The following ZC3H12C variants were observed in gnomAD, a reference collection of about 807,000 sequenced individuals.
ZC3H12C encodes the protein zinc finger CCCH-type containing 12C.
Under a neutral mutation model 76.3 loss-of-function variants are expected in ZC3H12C, and 20 were observed. The ratio of observed to expected loss-of-function variants is 0.26; its 90% confidence interval spans 0.18 to 0.38. The LOEUF (loss-of-function observed/expected upper bound fraction) is 0.38. Among genes scored for constraint, ZC3H12C ranks in the 10% least tolerant of loss-of-function variants. The pLI is 1.00. For missense variants in ZC3H12C, 874 were observed against 1,086.5 expected (o/e 0.80, Z 2.75); for synonymous variants, 352 against 399.6 (o/e 0.88, Z 1.42).
At position 110,127,461 on chromosome 11, in the gene ZC3H12C, T is replaced by G. The variant is rs139937042; in HGVS notation, c.22-9202T>G. Among the ~76,000 whole-genome samples the G allele has an allele frequency of 7.4e-3, 1,122 of 152,282 alleles. 14 individuals carry two copies. Among genetic ancestry groups the G allele is most frequent in the African/African-American group, 0.024 (1,017 of 41,568 alleles). On this transcript the variant is annotated intron_variant, in intron 1 of 5. Coordinates refer to ENST00000278590, the MANE Select transcript of ZC3H12C (RefSeq NM_033390.2). ...TATGTGTGTGAATTAGCTTTTGTTGTTGTTGGTGGTGGTGGTTGCTTCTTT... is the reference window on the plus strand; with the variant it reads ...TATGTGTGTGAATTAGCTTTTGTTGGTGTTGGTGGTGGTGGTTGCTTCTTT...
At chr11:110,158,454 G>A (rs1281345266) in intron 3 of ZC3H12C, among the ~76,000 whole-genome samples, 1 of 151,680 alleles carries the variant, frequency 6.6e-6, no homozygotes, top group Non-Finnish European at 1.5e-5. Flanking sequence ...AGGTTGCAGT[G>A]AGCCAAGATC....
intron 1 of ZC3H12C, among the ~76,000 whole-genome samples, chr11:110,111,538 A>T (rs2134153727): frequency 1.0e-5 from 1 of 100,446 alleles, no homozygotes; most frequent in African/African-American, 4.0e-5. Context: ...CTTCCCCAGT[A>T]GCTTTTTTTT....
Position 110,136,740 on chromosome 11 carries a change from C to A in ZC3H12C, c.99C>A (p.Gly33=). ...CAAGTACACGTAACAACTTCATGGG[C>A]TTGAAGGATCACCTAGGGCATGACC... ...VESSTRNNFM[G]LKDHLGHDLG... is the part of the protein sequence containing the mutation. The change falls in exon 2 of 6, where the codon GGC becomes GGA. Residue 33 remains glycine, a synonymous_variant. Transcript: ENST00000278590. 1.9e-6 allele frequency: 3 copies of A among 1,613,914 alleles called. No individual in the cohort carries two copies. Among genetic ancestry groups the A allele is most frequent in the Non-Finnish European group, 2.5e-6 (3 of 1,179,876 alleles).
In ZC3H12C at chr11:110,158,867, C is replaced by T. The variant is rs543527297; in HGVS notation, c.914-389C>T. ...AAAGGAAAAAAATGTATTGCTCACA[C>T]CTGAACCCCACACAGCATACAGCTG... On this transcript the variant is annotated intron_variant, in intron 3 of 5. Coordinates refer to ENST00000278590, the MANE Select transcript of ZC3H12C (RefSeq NM_033390.2). Among the ~76,000 whole-genome samples, 3 of 152,290 alleles carry T rather than the reference C, an allele frequency of 2.0e-5. No individual in the cohort carries two copies. In the South Asian group the frequency reaches 6.2e-4, roughly 32 times the overall value.
chr11:110,102,733 A>T (rs941655316), intron 1 of ZC3H12C, among the ~76,000 whole-genome samples: 1 of 152,190 alleles, frequency 6.6e-6, no homozygotes, highest in Non-Finnish European at 1.5e-5. Context: ...AGGGGAAATC[A>T]ATACAGCAAA....
rs1352863829 is a variant in ZC3H12C, at chr11:110,170,947, T to C, written c.*5210T>C. ...ACTGTTATGTATTAGAAGTGGCTTT[T>C]CCCCCTAAGATCCTTAGTCTTTTAA... On this transcript the variant is annotated 3_prime_UTR_variant, in exon 6 of 6. Transcript: ENST00000278590. 1 of 152,218 alleles carries C rather than the reference T, an allele frequency of 6.6e-6. No individual in the cohort carries two copies. Among genetic ancestry groups the C allele is most frequent in the Admixed American group, 6.5e-5 (1 of 15,284 alleles). 9.4% of individuals were successfully genotyped at this position (152,218 alleles called of 1,614,324 possible). A position where few individuals can be genotyped will look rare whatever the true frequency, so the allele number is the denominator to read the frequency against.
At position 110,166,452 on chromosome 11, in the gene ZC3H12C, A is replaced by C. The variant is rs1037578377; in HGVS notation, c.*715A>C. The C allele has an allele frequency of 6.6e-6, 1 of 152,144 alleles. No individual in the cohort carries two copies. The highest frequency in any genetic ancestry group is 2.4e-5 in the African/African-American group (1 of 41,424). The allele number at this position is 152,144 out of a possible 1,614,324, so 9.4% of individuals were successfully genotyped here. A position where few individuals can be genotyped will look rare whatever the true frequency, so the allele number is the denominator to read the frequency against. On this transcript the variant is annotated 3_prime_UTR_variant, in exon 6 of 6. Coordinates refer to ENST00000278590, the MANE Select transcript of ZC3H12C (RefSeq NM_033390.2). ...TAGTTAATTTAATATGGTCAATTTA[A>C]AAGAAAGCAGATGCAATCAATGGAA...
chr11:110,153,164 G>T, intron 3 of ZC3H12C, 106 bp downstream of exon 3: 1 of 1,347,966 alleles, frequency 7.4e-7, no homozygotes, highest in Non-Finnish European at 1.0e-6. Context: ...CTCAGCGCAG[G>T]CAGTGGGACA....
At chr11:110,155,846 A>C (rs779829655) in intron 3 of ZC3H12C, among the ~76,000 whole-genome samples, 8 of 152,208 alleles carry the variant, frequency 5.3e-5, no homozygotes, top group African/African-American at 9.6e-5. Context: ...CCTGCTTCTT[A>C]GTACTCGTCC....
In ZC3H12C at chr11:110,169,544, T is replaced by C. The variant is rs557646034; in HGVS notation, c.*3807T>C. The C allele has an allele frequency of 1.3e-5, 2 of 152,312 alleles. No homozygotes were observed. The highest frequency in any genetic ancestry group is 3.9e-4 in the East Asian group (2 of 5,188). 9.4% of individuals were successfully genotyped at this position (152,312 alleles called of 1,614,324 possible). A position where few individuals can be genotyped will look rare whatever the true frequency, so the allele number is the denominator to read the frequency against. On this transcript the variant is annotated 3_prime_UTR_variant, in exon 6 of 6. Transcript: ENST00000278590. ...GTTGGTGTGTGGTGCACCCATTTTA[T>C]TGTCATCTAACTCCTGGAGAATTCC...
intron 1 of ZC3H12C, among the ~76,000 whole-genome samples, chr11:110,097,149 T>C (rs1485079331): frequency 6.6e-6 from 1 of 152,232 alleles, no homozygotes; most frequent in Admixed American, 6.5e-5. Context: ...TCTGTTTAAT[T>C]ATTCTTAGCA....
chr11:110,142,509 T>C (rs1428434217), intron 2 of ZC3H12C, among the ~76,000 whole-genome samples: 1 of 152,202 alleles, frequency 6.6e-6, no homozygotes, highest in Non-Finnish European at 1.5e-5. Flanking sequence ...GACTGGATCT[T>C]GACCAGCTAG....
intron 4 of ZC3H12C, among the ~76,000 whole-genome samples, chr11:110,159,709 C>T (rs1862443689): frequency 6.6e-6 from 1 of 152,154 alleles, no homozygotes; most frequent in Non-Finnish European, 1.5e-5. Context: ...CCCTGTAAGT[C>T]ACTCATAGAA....
Position 110,093,422 on chromosome 11 carries a change from G to A in ZC3H12C, c.11G>A (p.Gly4Asp). 8.3e-7 allele frequency: 1 copy of A among 1,204,414 alleles called. No individual in the cohort carries two copies. The allele number at this position is 1,204,414 out of a possible 1,614,324, so 74.6% of individuals were successfully genotyped here. Residue 4 changes from glycine to aspartate, a missense_variant, in exon 1 of 6, where the codon GGC (glycine) becomes GAC (aspartate). By Grantham distance (94) the Gly-to-Asp change is moderately conservative (BLOSUM62 -1). Around this residue, in one of 3 missense-constraint regions of ZC3H12C, gnomAD observed 210 missense variants for 227.1 expected, o/e 0.92. Transcript: ENST00000278590. Reference protein sequence around the residue: MPGGGSQEYGVLCI... With the variant: MPGDGSQEYGVLCI... The stretch of plus-strand genomic sequence containing the variant: ...CTCGCGGGGCTGGCTATGCCGGGTG[G>A]CGGCTCCCAGGTTTGTCCTCGGGAA...
intron 2 of ZC3H12C, among the ~76,000 whole-genome samples, chr11:110,143,828 A>T (rs1862112915): frequency 1.3e-5 from 2 of 152,160 alleles, no homozygotes; most frequent in African/African-American, 4.8e-5. Context: ...CAGCCTAAAA[A>T]GATACCTTTA....
At chr11:110,145,375 AAT>A (rs752716793) in intron 2 of ZC3H12C, among the ~76,000 whole-genome samples, 9 of 152,184 alleles carry the variant, frequency 5.9e-5, no homozygotes, top group Non-Finnish European at 1.2e-4. Context: ...CCTTATGAAG[AAT>A]ATGTTTGTTA....
intron 1 of ZC3H12C, among the ~76,000 whole-genome samples, chr11:110,111,357 T>C (rs1861423411): frequency 6.6e-6 from 1 of 152,084 alleles, no homozygotes; most frequent in African/African-American, 2.4e-5. Flanking sequence ...TAAACCTACA[T>C]ACAGTGTATA....
intron 3 of ZC3H12C, among the ~76,000 whole-genome samples, chr11:110,156,077 A>G (rs982458069): frequency 6.6e-6 from 1 of 152,094 alleles, no homozygotes; most frequent in Non-Finnish European, 1.5e-5. Flanking sequence ...ATCAGTATGC[A>G]GATTGCTTTA....
Position 110,164,665 on chromosome 11 carries a change from C to A in ZC3H12C, c.1580C>A (p.Thr527Asn). The change falls in exon 6 of 6, where the codon ACT (threonine) becomes AAT (asparagine). Residue 527 changes from threonine (T) to asparagine (N), a missense_variant. Transcript: ENST00000278590. This position sits in a 1 kb window ranked among gnomAD's most constrained non-coding sequence, Gnocchi z 5.7. ...SVPSLVSIPA[T>N]STAKPQSTTS... ...CCTTCCTTAGTTAGCATCCCAGCTA[C>A]TTCTACTGCAAAACCCCAAAGCACT... The A allele has an allele frequency of 6.2e-7, 1 of 1,614,050 alleles. No individual in the cohort carries two copies. The highest frequency in any genetic ancestry group is 8.5e-7 in the Non-Finnish European group (1 of 1,179,892).
Sources: allele counts gnomAD v4.1 joint callset (sites outside exome capture counted in the v4.1 genomes callset), GRCh38; gene constraint gnomAD v4.1.1; regional missense constraint gnomAD v4.1.1; non-coding constraint Gnocchi (gnomAD v3.1); transcripts MANE v1.5; gene names NCBI Gene and HGNC (gene_info 2026-07-23, HGNC 2026-07-21).